Variants in NALCN observed in about 807,000 individuals in gnomAD.
The protein encoded by NALCN is sodium leak channel, non-selective.
Under a neutral mutation model 225.3 loss-of-function variants are expected in NALCN, and 111 were observed. The observed-to-expected ratio is 0.49, with a 90% CI of 0.42 to 0.58. The LOEUF is 0.58. NALCN is among the 20% of genes least tolerant of loss of function. NALCN has a pLI of 0.00. For synonymous variants in NALCN, 764 were observed against 769.0 expected, an observed-to-expected ratio of 0.99 and a Z score of 0.11; for missense variants, 1,378 against 2,202.4, an observed-to-expected ratio of 0.63 and a Z score of 7.49.
intron 37 of NALCN, among the ~76,000 whole-genome samples, chr13:101,070,242 A>G (rs1486495357): frequency 1.3e-5 from 2 of 151,652 alleles, no homozygotes; most frequent in East Asian, 1.9e-4. Flanking sequence ...AATTTTTTGT[A>G]TCTTTAGTAC....
rs750531717 is a variant in NALCN at position 101,229,570 on chromosome 13, A to T, written c.1449T>A (p.Val483=). The change falls in exon 13 of 44, where the codon GTT becomes GTA. Residue 483 remains valine, a synonymous_variant. Transcript: ENST00000251127. ...QFTYFQVLRV[V]RLIKISPALE... is the part of the protein sequence containing the mutation. The stretch of plus-strand genomic sequence containing the variant: ...ATGCAGGTGAAATCTTAATCAGCCG[A>T]ACTACTCGGAGAACCTATCAAGGGA... The T allele has an allele frequency of 1.3e-6, 2 of 1,594,734 alleles. No individual in the cohort carries two copies. The highest frequency in any genetic ancestry group is 2.3e-5 in the South Asian group (2 of 87,452).
At chr13:101,165,480 G>T (rs2038394658) in intron 15 of NALCN, among the ~76,000 whole-genome samples, 1 of 152,116 alleles carries the variant, frequency 6.6e-6, no homozygotes, top group African/African-American at 2.4e-5. Flanking sequence ...TGTCGTTGTT[G>T]TTGTTATTTG....
At chr13:101,198,580 A>G (rs1461480515) in intron 13 of NALCN, among the ~76,000 whole-genome samples, 1 of 152,200 alleles carries the variant, frequency 6.6e-6, no homozygotes, top group Non-Finnish European at 1.5e-5. Flanking sequence ...GCAAATCAAA[A>G]CCATAATGAG....
At chr13:101,346,087 C>CTCTCTATATATATATATA in intron 6 of NALCN, among the ~76,000 whole-genome samples, 72 of 70,938 alleles carry the variant, frequency 1.0e-3, no homozygotes, top group African/African-American at 2.6e-3. Context: ...CTCTCTCTCT[C>CTCTCTATATATATATATA]TATATATATA....
chr13:101,188,693 TA>T (rs71121174), intron 14 of NALCN, among the ~76,000 whole-genome samples: 10 of 150,954 alleles, frequency 6.6e-5, no homozygotes, highest in African/African-American at 1.2e-4. Context: ...TATATATATA[TA>T]TTTTTTTGAG....
intron 13 of NALCN, among the ~76,000 whole-genome samples, chr13:101,200,837 T>C (rs987973915): frequency 6.6e-6 from 1 of 152,160 alleles, no homozygotes; most frequent in Non-Finnish European, 1.5e-5. Context: ...GCAAAGGAGT[T>C]TTAAGCCCTT....
chr13:101,083,838 T>C lies in NALCN; in HGVS notation c.3490-34A>G, dbSNP rs761697227. 2.5e-5 allele frequency: 40 copies of C among 1,601,130 alleles called. No individual in the cohort carries two copies. The East Asian group carries it at 5.4e-4, about 22-fold the overall frequency. ...ACAAAAGAAAGCAGGAAAAGGCCTT[T>C]TGTCATGTGCTTGCACCAAGAACAT... On this transcript the variant is annotated intron_variant, in intron 30 of 43. Coordinates refer to ENST00000251127, the MANE Select transcript of NALCN (RefSeq NM_052867.4).
chr13:101,201,915 C>T (rs2040138874), intron 13 of NALCN, among the ~76,000 whole-genome samples: 1 of 152,094 alleles, frequency 6.6e-6, no homozygotes, highest in Non-Finnish European at 1.5e-5. Context: ...TTGAGAGAGT[C>T]CCTGTTATAT....
intron 27 of NALCN, among the ~76,000 whole-genome samples, chr13:101,099,698 A>T (rs2034703138): frequency 6.6e-6 from 1 of 152,204 alleles, no homozygotes; most frequent in Admixed American, 6.5e-5. Flanking sequence ...GCACACAACT[A>T]AATTCCAGCC....
intron 6 of NALCN, among the ~76,000 whole-genome samples, chr13:101,364,111 C>T (rs983403684): frequency 3.3e-5 from 5 of 152,144 alleles, no homozygotes; most frequent in Non-Finnish European, 7.4e-5. Flanking sequence ...CAGGAACACT[C>T]ATACACTGTT....
At chr13:101,076,825 C>T (rs943325575) in intron 34 of NALCN, among the ~76,000 whole-genome samples, 1 of 152,170 alleles carries the variant, frequency 6.6e-6, no homozygotes, top group Non-Finnish European at 1.5e-5. Context: ...TTTAAGATTT[C>T]CTCTCTGAGG....
rs546922239 is a variant in NALCN at position 101,327,595 on chromosome 13, C to A, written c.799+17671G>T. Among the ~76,000 whole-genome samples the A allele has an allele frequency of 9.9e-5, 15 of 152,264 alleles. No individual in the cohort carries two copies. The South Asian group carries it at 2.9e-3, about 29-fold the overall frequency. ...TAGCCTGTGTATTTGTGAGAGGCAGCAGAAAGGAGGTGACTTTCAGGGATA... is the reference window on the plus strand; with the variant it reads ...TAGCCTGTGTATTTGTGAGAGGCAGAAGAAAGGAGGTGACTTTCAGGGATA... On this transcript the variant is annotated intron_variant, in intron 7 of 43. Coordinates refer to ENST00000251127, the MANE Select transcript of NALCN (RefSeq NM_052867.4).
At chr13:101,240,764 C>T (rs541428217) in intron 11 of NALCN, among the ~76,000 whole-genome samples, 365 of 152,142 alleles carry the variant, frequency 2.4e-3, no homozygotes, top group Non-Finnish European at 4.6e-3. Context: ...TCCTTTTCTT[C>T]CTATTCTCCT....
At chr13:101,057,328 T>G (rs1388239597) in intron 43 of NALCN, 1 of 153,644 alleles carries the variant, frequency 6.5e-6, no homozygotes, top group Non-Finnish European at 1.4e-5. Context: ...ATTCTCTTAC[T>G]GAATCAGTAA....
At chr13:101,252,301 T>A (rs959583198) in intron 11 of NALCN, among the ~76,000 whole-genome samples, 1 of 152,198 alleles carries the variant, frequency 6.6e-6, no homozygotes. Context: ...TGAAATGAGA[T>A]GAAAAATTTT....
chr13:101,264,109 A>C (rs2042521041), intron 10 of NALCN, among the ~76,000 whole-genome samples: 1 of 152,204 alleles, frequency 6.6e-6, no homozygotes, highest in African/African-American at 2.4e-5. Flanking sequence ...TGCATTATTT[A>C]ATATGGATGC....
intron 15 of NALCN, among the ~76,000 whole-genome samples, chr13:101,175,718 C>T (rs777801316): frequency 1.7e-4 from 26 of 152,166 alleles, no homozygotes; most frequent in Admixed American, 1.2e-3. Context: ...GAATGATTGA[C>T]GATAGCTGTA....
At chr13:101,074,722 G>GAGAGAGAGAGAGAGACAGAGAC (rs2033142507) in intron 35 of NALCN, 60 bp from the exon 36 acceptor site, 1 of 209,032 alleles carries the variant, frequency 4.8e-6, no homozygotes, top group Non-Finnish European at 6.9e-6. Context: ...GACAGAGACA[G>GAGAGAGAGAGAGAGACAGAGAC]AGAGAGAGAG....
At chr13:101,102,903 A>G (rs1254816002) in intron 26 of NALCN, among the ~76,000 whole-genome samples, 2 of 152,214 alleles carry the variant, frequency 1.3e-5, no homozygotes, top group African/African-American at 4.8e-5. Context: ...AATTAGAGTC[A>G]AGAGGTTAGT....
Sources: allele counts gnomAD v4.1 joint callset (sites outside exome capture counted in the v4.1 genomes callset), GRCh38; gene constraint gnomAD v4.1.1; transcripts MANE v1.5; gene names NCBI Gene and HGNC (gene_info 2026-07-23, HGNC 2026-07-21).